The following CTNNA2 variants were observed in gnomAD, a reference collection of about 807,000 sequenced individuals.
CTNNA2 encodes catenin alpha 2.
CTNNA2 carries 42 observed loss-of-function variants against 101.0 expected under a neutral mutation model. That is an observed-to-expected ratio of 0.42 (90% CI 0.32 to 0.54). CTNNA2 has a LOEUF of 0.54. Among genes scored for constraint, CTNNA2 ranks in the 20% least tolerant of loss-of-function variants. CTNNA2 has a pLI of 0.14. For synonymous variants in CTNNA2, 450 were observed against 456.4 expected (o/e 0.99, Z 0.18); for missense variants, 871 against 1,223.1 (o/e 0.71, Z 4.29).
intron 9 of CTNNA2, among the ~76,000 whole-genome samples, chr2:80,431,022 G>A (rs1253031058): frequency 6.6e-6 from 1 of 152,108 alleles, no homozygotes. Context: ...GTATGTAAGA[G>A]CAAGAAGTGT....
rs118182806 is a variant in CTNNA2 at position 80,233,222 on chromosome 2, T to G, written c.1057-159989T>G. On this transcript the variant is annotated intron_variant, in intron 7 of 18. Transcript: ENST00000402739. ...TTGAGGACTCTGGCCTTGGTAGTGT[T>G]GCAAAAATTGTGAATTATTGTGAAA... Among the ~76,000 whole-genome samples the G allele has an allele frequency of 8.0e-4, 122 of 152,268 alleles. 3 individuals carry two copies. In the East Asian group the frequency reaches 0.019, roughly 24 times the overall value.
intron 2 of CTNNA2, among the ~76,000 whole-genome samples, chr2:79,692,413 C>A (rs59673873): frequency 6.6e-6 from 1 of 151,952 alleles, no homozygotes; most frequent in Non-Finnish European, 1.5e-5. Flanking sequence ...TGCTTTTACA[C>A]GGTTGGTAGA....
chr2:79,895,074 G>C (rs953616556), intron 6 of CTNNA2, among the ~76,000 whole-genome samples: 3 of 152,050 alleles, frequency 2.0e-5, no homozygotes, highest in African/African-American at 7.2e-5. Flanking sequence ...CTCTCTTAGG[G>C]CTTCTCTTTT....
intron 3 of CTNNA2, among the ~76,000 whole-genome samples, chr2:79,806,012 T>G (rs1486066602): frequency 6.6e-6 from 1 of 152,086 alleles, no homozygotes; most frequent in African/African-American, 2.4e-5. Flanking sequence ...GGTTAAAAAT[T>G]ATCATTTCAA....
chr2:79,404,658 G>A (rs1227335615), intron 4 of CTNNA2, among the ~76,000 whole-genome samples: 1 of 152,008 alleles, frequency 6.6e-6, no homozygotes, highest in Non-Finnish European at 1.5e-5. Context: ...GCCCCACAAT[G>A]GGCATGAGAG....
intron 2 of CTNNA2, among the ~76,000 whole-genome samples, chr2:79,712,081 T>C (rs1685774634): frequency 6.6e-6 from 1 of 152,196 alleles, no homozygotes; most frequent in African/African-American, 2.4e-5. Flanking sequence ...ACTGCATTTA[T>C]TGAGCACTTA....
At chr2:80,493,584 T>C (rs1687223496) in intron 9 of CTNNA2, among the ~76,000 whole-genome samples, 1 of 152,222 alleles carries the variant, frequency 6.6e-6, no homozygotes, top group South Asian at 2.1e-4. Flanking sequence ...GAGTCCTTAG[T>C]GAATCCATTT....
intron 7 of CTNNA2, among the ~76,000 whole-genome samples, chr2:79,920,931 A>G (rs1420996267): frequency 6.6e-6 from 1 of 151,702 alleles, no homozygotes; most frequent in East Asian, 1.9e-4. Flanking sequence ...GCTCTTAAGG[A>G]TGTGTCTGAG....
chr2:80,466,945 G>A (rs189203893), intron 9 of CTNNA2, among the ~76,000 whole-genome samples: 7 of 152,294 alleles, frequency 4.6e-5, no homozygotes, highest in East Asian at 1.9e-4. Flanking sequence ...TACCAGGTAC[G>A]TGTAAGCTAC....
At position 80,465,446 on chromosome 2, in the gene CTNNA2, C is replaced by T. The variant is rs551703278; in HGVS notation, c.1290+45845C>T. Among the ~76,000 whole-genome samples the T allele has an allele frequency of 6.6e-5, 10 of 152,254 alleles. No individual in the cohort carries two copies. The South Asian group carries it at 1.7e-3, about 25-fold the overall frequency. ...CAAATGGAAGACTGGGTGACAACAA[C>T]GTAAATTACTGCAGACTGAAAGAAC... On this transcript the variant is annotated intron_variant, in intron 9 of 18. Transcript: ENST00000402739.
At chr2:79,782,301 G>C (rs375926379) in intron 3 of CTNNA2, among the ~76,000 whole-genome samples, 2 of 152,078 alleles carry the variant, frequency 1.3e-5, no homozygotes, top group East Asian at 3.9e-4. Context: ...CAATGGCACA[G>C]TCTTGGCTCA....
At chr2:80,181,913 C>G (rs376653242) in intron 7 of CTNNA2, among the ~76,000 whole-genome samples, 1 of 152,170 alleles carries the variant, frequency 6.6e-6, no homozygotes, top group Non-Finnish European at 1.5e-5. Context: ...CAGCCAACTC[C>G]AGAAGCCCCC....
intron 7 of CTNNA2, among the ~76,000 whole-genome samples, chr2:80,166,641 G>T (rs546753361): frequency 1.3e-5 from 2 of 152,292 alleles, no homozygotes; most frequent in East Asian, 3.9e-4. Flanking sequence ...CCTGAGGAAG[G>T]TCATGGGAAC....
In CTNNA2 at chr2:80,075,621, TA is replaced by T. The variant is rs1558783445; in HGVS notation, c.1056+165827del. ...ATAAATATTTATACATGTATAAATA[TA>T]AATATTTATACATGTATAAATATTA... On this transcript the variant is annotated intron_variant, in intron 7 of 18. Transcript: ENST00000402739. 6.8e-4 allele frequency among the ~76,000 whole-genome samples: 43 copies of T among 63,064 alleles called. 6 individuals are homozygous for T. The highest frequency in any genetic ancestry group is 2.5e-3 in the African/African-American group (37 of 14,886). 41.4% of individuals were successfully genotyped at this position (63,064 alleles called of 152,430 possible).
At chr2:79,648,496 G>A (rs753163758) in intron 1 of CTNNA2, among the ~76,000 whole-genome samples, 1 of 152,144 alleles carries the variant, frequency 6.6e-6, no homozygotes, top group Non-Finnish European at 1.5e-5. Flanking sequence ...AATACAGACA[G>A]CAGAAAGCAA....
At chr2:80,340,788 G>A (rs1672158322) in intron 7 of CTNNA2, among the ~76,000 whole-genome samples, 1 of 152,144 alleles carries the variant, frequency 6.6e-6, no homozygotes, top group African/African-American at 2.4e-5. Flanking sequence ...CCTGGAGCTA[G>A]CATCAGATCT....
chr2:80,056,034 G>A (rs1697193202), intron 7 of CTNNA2, among the ~76,000 whole-genome samples: 1 of 152,180 alleles, frequency 6.6e-6, no homozygotes. Flanking sequence ...ACTGGGCAAT[G>A]CATGTTCAAC....
At chr2:79,888,398 T>G (rs1253387742) in intron 6 of CTNNA2, among the ~76,000 whole-genome samples, 4 of 152,244 alleles carry the variant, frequency 2.6e-5, no homozygotes, top group Non-Finnish European at 5.9e-5. Context: ...TATCGATACC[T>G]CTGATATTGC....
intron 1 of CTNNA2, among the ~76,000 whole-genome samples, chr2:79,638,967 T>A (rs1355703373): frequency 1.3e-5 from 2 of 152,322 alleles, no homozygotes; most frequent in East Asian, 3.9e-4. Flanking sequence ...CTCGGTTAAT[T>A]TGTTTCCTGC....
Sources: gnomAD v4.1 joint callset for allele counts (sites outside exome capture counted in the v4.1 genomes callset) on GRCh38, gnomAD v4.1.1 for gene constraint, MANE v1.5 for transcripts, NCBI Gene and HGNC (gene_info 2026-07-23, HGNC 2026-07-21) for gene names.